Variants in NBAS observed in about 807,000 individuals in gnomAD.
NBAS encodes the protein NAG/BC035112 fusion.
Under a neutral mutation model 302.5 loss-of-function variants are expected in NBAS, and 219 were observed. That is an observed-to-expected ratio of 0.72 (90% CI 0.65 to 0.81). The LOEUF (loss-of-function observed/expected upper bound fraction) is 0.81. NBAS is among the 30% of genes least tolerant of loss of function. NBAS has a pLI of 0.00. For missense variants in NBAS, 2,932 were observed against 2,841.6 expected, an observed-to-expected ratio of 1.03 and a Z score of -0.72; for synonymous variants, 1,118 against 1,021.6, an observed-to-expected ratio of 1.09 and a Z score of -1.80.
the NBAS span, among the ~76,000 whole-genome samples, chr2:14,801,402 T>G: frequency 6.6e-6 from 1 of 152,318 alleles, no homozygotes; most frequent in Admixed American, 6.5e-5. Context: ...GACTTTAATT[T>G]CACCAATTTT....
chr2:15,314,335 T>C (rs576850776), intron 38 of NBAS, among the ~76,000 whole-genome samples: 1 of 152,282 alleles, frequency 6.6e-6, no homozygotes, highest in African/African-American at 2.4e-5. Context: ...CACTCCAGCC[T>C]GGGCAACAGA....
chr2:15,554,158 G>A lies in NBAS; in HGVS notation c.210-20C>T, dbSNP rs1395091352. 3.1e-6 allele frequency: 5 copies of A among 1,602,718 alleles called. No individual in the cohort carries two copies. Among genetic ancestry groups the A allele is most frequent in the South Asian group, 1.1e-5 (1 of 90,244 alleles). On this transcript the variant is annotated intron_variant, in intron 3 of 51. Coordinates refer to ENST00000281513, the MANE Select transcript of NBAS (RefSeq NM_015909.4). Reference sequence around the variant, plus strand: ...GCCGGGCTGAAATCACAACACATTAGTTAGCTTAAAATCTAATCATGAAAA... The same window carrying A: ...GCCGGGCTGAAATCACAACACATTAATTAGCTTAAAATCTAATCATGAAAA...
intron 44 of NBAS, 48 bp from the exon 45 acceptor site, chr2:15,238,734 T>C (rs770826752): frequency 4.5e-5 from 67 of 1,505,576 alleles, no homozygotes; most frequent in South Asian, 7.1e-5. Flanking sequence ...TTATTACCTA[T>C]TGCATATTCA....
intron 11 of NBAS, 139 bp downstream of exon 11, chr2:15,504,006 T>C (rs1264128043): frequency 1.3e-5 from 9 of 719,604 alleles, no homozygotes; most frequent in Non-Finnish European, 2.3e-5. Context: ...TTCTTACTAA[T>C]GCATATAGCC....
the NBAS span, among the ~76,000 whole-genome samples, chr2:14,933,356 A>G: frequency 1.3e-5 from 2 of 152,202 alleles, no homozygotes; most frequent in African/African-American, 2.4e-5. Flanking sequence ...TCTTTTTTCC[A>G]AAATCAACCT....
downstream of NBAS, among the ~76,000 whole-genome samples, chr2:15,166,189 G>A (rs1258443666): frequency 5.3e-5 from 8 of 152,134 alleles, no homozygotes; most frequent in Admixed American, 3.3e-4. Context: ...TTTTCCTAAG[G>A]GTGTTGCTAT....
At chr2:15,138,472 A>T in the NBAS span, among the ~76,000 whole-genome samples, 1 of 152,114 alleles carries the variant, frequency 6.6e-6, no homozygotes, top group African/African-American at 2.4e-5. Context: ...CTCACAGAGC[A>T]TTTTATTCTG....
At chr2:15,261,720 GA>G (rs1162363665) in intron 44 of NBAS, among the ~76,000 whole-genome samples, 1 of 152,102 alleles carries the variant, frequency 6.6e-6, no homozygotes, top group South Asian at 2.1e-4. Flanking sequence ...AGAGGGGCAT[GA>G]AAAATGTTAG....
chr2:15,183,529 T>G (rs1221904009), intron 50 of NBAS, among the ~76,000 whole-genome samples: 1 of 152,240 alleles, frequency 6.6e-6, no homozygotes, highest in African/African-American at 2.4e-5. Context: ...GATGAAGCAG[T>G]ACACATACAG....
the NBAS span, among the ~76,000 whole-genome samples, chr2:15,120,972 C>A: frequency 2.8e-3 from 427 of 152,330 alleles, 1 homozygote; most frequent in African/African-American, 9.6e-3. Context: ...GACCTATTCA[C>A]AGCTTTTCTC....
the NBAS span, among the ~76,000 whole-genome samples, chr2:14,876,168 T>G: frequency 2.0e-5 from 3 of 152,236 alleles, no homozygotes; most frequent in Admixed American, 2.0e-4. Context: ...TTGGGGAGAA[T>G]GCAGTTTCAG....
At chr2:15,184,154 T>A (rs1029130276) in intron 50 of NBAS, among the ~76,000 whole-genome samples, 1 of 152,138 alleles carries the variant, frequency 6.6e-6, no homozygotes, top group Non-Finnish European at 1.5e-5. Flanking sequence ...ATTACTGCCA[T>A]GGACACAGAT....
the NBAS span, among the ~76,000 whole-genome samples, chr2:15,112,325 T>A: frequency 6.6e-6 from 1 of 152,028 alleles, no homozygotes; most frequent in Admixed American, 6.5e-5. Context: ...ACATAACAGA[T>A]AATGCTTTAA....
At position 15,379,659 on chromosome 2, in the gene NBAS, C is replaced by G. The variant is rs35770368; in HGVS notation, c.3533G>C (p.Ser1178Thr). Reference protein sequence around the residue: ...EKSIDLVLAASREYFNSSTNL... With the variant: ...EKSIDLVLAATREYFNSSTNL... ...GGTAGAAGAATTGAAGTACTCTCTG[C>G]TGGCAGCCAAAACCAAGTCAATACT... Residue 1178 changes from serine (S) to threonine (T), a missense_variant, in exon 30 of 52, where the codon AGC (serine) becomes ACC (threonine). Coordinates refer to ENST00000281513, the MANE Select transcript of NBAS (RefSeq NM_015909.4). 6.2e-7 allele frequency: 1 copy of G among 1,613,988 alleles called. No individual in the cohort carries two copies. Among genetic ancestry groups the G allele is most frequent in the Non-Finnish European group, 8.5e-7 (1 of 1,179,956 alleles).
chr2:15,412,545 C>T (rs187495497), intron 25 of NBAS, among the ~76,000 whole-genome samples: 1 of 152,278 alleles, frequency 6.6e-6, no homozygotes, highest in Admixed American at 6.5e-5. Context: ...AATAACTGCA[C>T]CTATTACATT....
chr2:15,177,193 TCA>T (rs1664584498), intron 51 of NBAS, among the ~76,000 whole-genome samples: 1 of 152,146 alleles, frequency 6.6e-6, no homozygotes, highest in South Asian at 2.1e-4. Flanking sequence ...GGCAAACTAC[TCA>T]CAGTCTGCAG....
the NBAS span, among the ~76,000 whole-genome samples, chr2:15,069,710 G>T: frequency 6.6e-6 from 1 of 152,124 alleles, no homozygotes; most frequent in Non-Finnish European, 1.5e-5. Flanking sequence ...GAAAAAAAAA[G>T]TAATAACTTT....
At chr2:15,453,653 T>C (rs923567170) in intron 21 of NBAS, among the ~76,000 whole-genome samples, 3 of 152,216 alleles carry the variant, frequency 2.0e-5, no homozygotes, top group South Asian at 2.1e-4. Context: ...TTTACTCAAT[T>C]ACAGTCCATC....
chr2:14,951,448 T>A, the NBAS span, among the ~76,000 whole-genome samples: 16 of 152,132 alleles, frequency 1.1e-4, no homozygotes, highest in Admixed American at 1.3e-4. Flanking sequence ...ATAGATCAAT[T>A]ACCCACGTCT....
Sources: allele counts gnomAD v4.1 joint callset (sites outside exome capture counted in the v4.1 genomes callset), GRCh38; gene constraint gnomAD v4.1.1; transcripts MANE v1.5; gene names NCBI Gene and HGNC (gene_info 2026-07-23, HGNC 2026-07-21).